COMMD10: variants seen among roughly 807,000 people sequenced by gnomAD.
COMMD10 encodes the protein COMM domain-containing protein 10.
Under a neutral mutation model 28.9 loss-of-function variants are expected in COMMD10, and 33 were observed. The ratio of observed to expected loss-of-function variants is 1.14; its 90% CI spans 0.87 to 1.53. The LOEUF (loss-of-function observed/expected upper bound fraction) is 1.53. Ranked by LOEUF, COMMD10 falls within the 40% of genes most tolerant of loss-of-function variation. The probability of loss-of-function intolerance (pLI) is 0.00; values close to 1 mark genes in which losing one functional copy is unlikely to be tolerated. For synonymous variants in COMMD10, 110 were observed against 81.7 expected, an observed-to-expected ratio of 1.35 and a Z score of -1.87; for missense variants, 310 against 233.4, an observed-to-expected ratio of 1.33 and a Z score of -2.14.
chr5:116,166,632 C>G (rs1753108907), intron 5 of COMMD10, among the ~76,000 whole-genome samples: 1 of 152,176 alleles, frequency 6.6e-6, no homozygotes, highest in African/African-American at 2.4e-5. Flanking sequence ...TGAGACGAAA[C>G]TTCCAGAGGA....
At position 116,147,129 on chromosome 5, in the gene COMMD10, G is replaced by C. The variant is rs1326221104; in HGVS notation, c.510+12951G>C. ...GCATCAACCCAGCACCATCGGTTCTGTGTTTTTGGTGTGTATCTGGATGAT... is the reference window on the plus strand; with the variant it reads ...GCATCAACCCAGCACCATCGGTTCTCTGTTTTTGGTGTGTATCTGGATGAT... On this transcript the variant is annotated intron_variant, in intron 5 of 6. Coordinates refer to ENST00000274458, the MANE Select transcript of COMMD10 (RefSeq NM_016144.4). Among the ~76,000 whole-genome samples, 4 of 151,932 alleles carry C rather than the reference G, an allele frequency of 2.6e-5. No homozygotes were observed. The East Asian group carries it at 7.8e-4, about 29-fold the overall frequency.
intron 5 of COMMD10, among the ~76,000 whole-genome samples, chr5:116,283,751 T>G (rs1172251224): frequency 1.3e-5 from 2 of 151,828 alleles, no homozygotes; most frequent in Non-Finnish European, 2.9e-5. Flanking sequence ...GATACTGCTG[T>G]TAAACAACCA....
At chr5:116,237,270 C>T (rs1415071569) in intron 5 of COMMD10, among the ~76,000 whole-genome samples, 1 of 151,992 alleles carries the variant, frequency 6.6e-6, no homozygotes, top group Non-Finnish European at 1.5e-5. Flanking sequence ...AAATGGGCTG[C>T]GTCACTAGTC....
chr5:116,116,034 T>C (rs1009616851), intron 4 of COMMD10, among the ~76,000 whole-genome samples: 3 of 152,172 alleles, frequency 2.0e-5, no homozygotes, highest in African/African-American at 7.2e-5. Context: ...ATGTTCTTTA[T>C]TTCGCCAAGT....
At chr5:116,149,022 C>A (rs1308328238) in intron 5 of COMMD10, among the ~76,000 whole-genome samples, 1 of 116,046 alleles carries the variant, frequency 8.6e-6, no homozygotes, top group Admixed American at 1.1e-4. Context: ...CCACAGCAGT[C>A]CCCAGAGTGT....
chr5:116,096,122 G>C (rs150854284), intron 4 of COMMD10, among the ~76,000 whole-genome samples: 145 of 151,996 alleles, frequency 9.5e-4, no homozygotes, highest in African/African-American at 2.6e-3. Flanking sequence ...TTGAAAATCA[G>C]CTTTTGTATT....
rs143964154 is a variant in COMMD10, at chr5:116,225,353, G to GTTTTTT, written c.511-66164_511-66163insTTTTTT. Among the ~76,000 whole-genome samples the GTTTTTT allele has an allele frequency of 6.9e-5, 8 of 116,496 alleles. 1 individual carries two copies. The highest frequency in any genetic ancestry group is 9.2e-5 in the Admixed American group (1 of 10,914). The allele number at this position is 116,496 out of a possible 152,430, so 76.4% of individuals were successfully genotyped here. A position where few individuals can be genotyped will look rare whatever the true frequency, so the allele number is the denominator to read the frequency against. ...AGACTTTCCTGTTTGTTTTTTTGGGGATTTTTTTTTTTTTTTTTGCATATG... is the reference window on the plus strand; with the variant it reads ...AGACTTTCCTGTTTGTTTTTTTGGGGTTTTTTATTTTTTTTTTTTTTTTTGCATATG... On this transcript the variant is annotated intron_variant, in intron 5 of 6. Coordinates refer to ENST00000274458, the MANE Select transcript of COMMD10 (RefSeq NM_016144.4).
chr5:116,089,543 G>C (rs908108830), intron 2 of COMMD10, among the ~76,000 whole-genome samples: 2 of 152,206 alleles, frequency 1.3e-5, no homozygotes, highest in Non-Finnish European at 2.9e-5. Context: ...TGGAGAACTT[G>C]CACAGAAAAT....
intron 5 of COMMD10, among the ~76,000 whole-genome samples, chr5:116,277,529 C>A (rs945767805): frequency 3.3e-5 from 5 of 151,824 alleles, no homozygotes; most frequent in Admixed American, 2.0e-4. Context: ...GAATTTGGTT[C>A]CACAAGTGTT....
chr5:116,121,229 G>C (rs1751423187), intron 4 of COMMD10, among the ~76,000 whole-genome samples: 1 of 152,088 alleles, frequency 6.6e-6, no homozygotes, highest in South Asian at 2.1e-4. Context: ...AGAACATGCG[G>C]TGTTTGGTTT....
chr5:116,246,550 A>G (rs1250403375), intron 5 of COMMD10, among the ~76,000 whole-genome samples: 1 of 152,146 alleles, frequency 6.6e-6, no homozygotes, highest in South Asian at 2.1e-4. Flanking sequence ...AAGCAAAAAG[A>G]GCAAAGCTGG....
intron 5 of COMMD10, among the ~76,000 whole-genome samples, chr5:116,154,003 A>T (rs77493468): frequency 0.029 from 4,383 of 152,174 alleles, 197 homozygotes; most frequent in African/African-American, 0.099. Flanking sequence ...ATTAGAGCTT[A>T]GCCACTCAAC....
chr5:116,282,260 T>G (rs965682770), intron 5 of COMMD10, among the ~76,000 whole-genome samples: 2 of 151,898 alleles, frequency 1.3e-5, no homozygotes, highest in Non-Finnish European at 2.9e-5. Flanking sequence ...CTCATCTACC[T>G]CTAAACATTA....
At chr5:116,104,255 G>T (rs568045766) in intron 4 of COMMD10, among the ~76,000 whole-genome samples, 1 of 152,120 alleles carries the variant, frequency 6.6e-6, no homozygotes, top group African/African-American at 2.4e-5. Flanking sequence ...CCATTTTCAC[G>T]ATATTGATTC....
chr5:116,217,608 A>C (rs1749138968), intron 5 of COMMD10, among the ~76,000 whole-genome samples: 1 of 152,222 alleles, frequency 6.6e-6, no homozygotes, highest in Non-Finnish European at 1.5e-5. Flanking sequence ...ACTGGTAACC[A>C]ATGACTGGAG....
chr5:116,119,981 G>C (rs912435536), intron 4 of COMMD10, among the ~76,000 whole-genome samples: 1 of 152,020 alleles, frequency 6.6e-6, no homozygotes, highest in African/African-American at 2.4e-5. Context: ...GTATTCTTTT[G>C]AATTGTATGG....
intron 5 of COMMD10, among the ~76,000 whole-genome samples, chr5:116,251,103 A>G (rs372751483): frequency 1.3e-5 from 2 of 152,074 alleles, no homozygotes; most frequent in East Asian, 3.9e-4. Context: ...AGGCAAGAAG[A>G]TAGGTGCAAC....
chr5:116,189,494 T>A (rs1161772399), intron 5 of COMMD10, among the ~76,000 whole-genome samples: 1 of 152,188 alleles, frequency 6.6e-6, no homozygotes, highest in Non-Finnish European at 1.5e-5. Context: ...GTTTCCCAAG[T>A]CTGTTTCTTC....
chr5:116,215,291 T>A (rs1349690172), intron 5 of COMMD10, among the ~76,000 whole-genome samples: 2 of 152,228 alleles, frequency 1.3e-5, no homozygotes, highest in East Asian at 1.9e-4. Context: ...ATATAAAGTT[T>A]ATATCAAAGA....
Sources: allele counts gnomAD v4.1 joint callset (sites outside exome capture counted in the v4.1 genomes callset), GRCh38; gene constraint gnomAD v4.1.1; transcripts MANE v1.5; gene names NCBI Gene and HGNC (gene_info 2026-07-23, HGNC 2026-07-21).